Variants in STPG2 observed in about 807,000 individuals in gnomAD.
STPG2 encodes sperm tail PG-rich repeat containing 2.
In STPG2, 56 loss-of-function variants were observed where a neutral mutation model predicts 54.2. The ratio of observed to expected loss-of-function variants is 1.03; its 90% CI spans 0.83 to 1.29. The LOEUF is 1.29. Among genes scored for constraint, STPG2 ranks in the 50% most tolerant of loss-of-function variants. The pLI is 0.00. For missense variants in STPG2, 596 were observed against 544.9 expected, an observed-to-expected ratio of 1.09 and a Z score of -0.93; for synonymous variants, 200 against 181.8, an observed-to-expected ratio of 1.10 and a Z score of -0.81.
chr4:97,813,041 C>A (rs756789008), intron 9 of STPG2, among the ~76,000 whole-genome samples: 1 of 152,070 alleles, frequency 6.6e-6, no homozygotes, highest in Non-Finnish European at 1.5e-5. Flanking sequence ...CTATCAAGTT[C>A]TGTTACCTCT....
intron 8 of STPG2, among the ~76,000 whole-genome samples, chr4:97,864,546 C>G (rs1224273592): frequency 6.6e-6 from 1 of 152,110 alleles, no homozygotes; most frequent in Non-Finnish European, 1.5e-5. Context: ...ATGCCATCCC[C>G]ATCAAGCTAC....
intron 4 of STPG2, among the ~76,000 whole-genome samples, chr4:97,519,154 T>C (rs1490502484): frequency 6.6e-6 from 1 of 151,938 alleles, no homozygotes; most frequent in African/African-American, 2.4e-5. Context: ...CCAATACAGA[T>C]GGGAGAAGTA....
intron 10 of STPG2, among the ~76,000 whole-genome samples, chr4:97,649,045 A>G (rs562364628): frequency 1.3e-4 from 20 of 152,236 alleles, no homozygotes; most frequent in African/African-American, 4.8e-4. Flanking sequence ...ACTAAAAGCT[A>G]GATGTAATTA....
At chr4:97,944,124 A>T (rs1733108297) in intron 7 of STPG2, 117 bp from the exon 8 acceptor site, 1 of 658,746 alleles carries the variant, frequency 1.5e-6, no homozygotes. Flanking sequence ...AAATAAAGAC[A>T]CATATTCATA....
At chr4:97,673,093 C>A (rs149267486) in intron 10 of STPG2, among the ~76,000 whole-genome samples, 3 of 152,112 alleles carry the variant, frequency 2.0e-5, no homozygotes, top group South Asian at 2.1e-4. Context: ...TATAAATAAG[C>A]CTGTAGGGAG....
intron 4 of STPG2, among the ~76,000 whole-genome samples, chr4:97,456,911 T>TAAAAA (rs1560616538): frequency 1.0e-5 from 1 of 98,254 alleles, no homozygotes; most frequent in African/African-American, 7.2e-5. Flanking sequence ...AAAAAGAAAA[T>TAAAAA]TAAAAAAAAA....
chr4:97,523,321 A>G (rs1731219691), intron 4 of STPG2, among the ~76,000 whole-genome samples: 1 of 151,896 alleles, frequency 6.6e-6, no homozygotes, highest in Non-Finnish European at 1.5e-5. Context: ...TTTATCATCT[A>G]TAAAAAGAGA....
intron 10 of STPG2, among the ~76,000 whole-genome samples, chr4:97,573,554 A>G (rs1732651533): frequency 6.6e-6 from 1 of 151,974 alleles, no homozygotes; most frequent in Non-Finnish European, 1.5e-5. Context: ...AAATTATAAT[A>G]TAAAAAATGG....
intron 10 of STPG2, among the ~76,000 whole-genome samples, chr4:97,621,296 C>A (rs1173235747): frequency 6.6e-6 from 1 of 152,010 alleles, no homozygotes; most frequent in Admixed American, 6.6e-5. Context: ...AAAATCAGAA[C>A]TGAACTGAAA....
intron 5 of STPG2, among the ~76,000 whole-genome samples, chr4:98,004,806 C>A (rs1735524827): frequency 6.6e-6 from 1 of 151,916 alleles, no homozygotes; most frequent in Non-Finnish European, 1.5e-5. Flanking sequence ...AAAGTCTATT[C>A]AGGTTATTTG....
intron 7 of STPG2, among the ~76,000 whole-genome samples, chr4:97,967,230 T>C (rs918113733): frequency 7.0e-6 from 1 of 143,792 alleles, no homozygotes; most frequent in Non-Finnish European, 1.5e-5. Flanking sequence ...TAGTCTCTGA[T>C]AAAACAGACT....
At chr4:97,887,801 C>A (rs1474194386) in intron 8 of STPG2, among the ~76,000 whole-genome samples, 1 of 152,186 alleles carries the variant, frequency 6.6e-6, no homozygotes, top group Non-Finnish European at 1.5e-5. Context: ...ACATTTGGGG[C>A]AGCCCATCCC....
At chr4:97,741,552 A>G (rs1426342624) in intron 9 of STPG2, among the ~76,000 whole-genome samples, 2 of 152,198 alleles carry the variant, frequency 1.3e-5, no homozygotes, top group African/African-American at 4.8e-5. Flanking sequence ...AAGTGGGCAA[A>G]GGACATGAAC....
At chr4:97,930,356 T>C (rs546609196) in intron 8 of STPG2, among the ~76,000 whole-genome samples, 2 of 152,324 alleles carry the variant, frequency 1.3e-5, no homozygotes, top group East Asian at 1.9e-4. Flanking sequence ...TTTCTGTATA[T>C]GGTATAAAAA....
rs149588164 is a variant in STPG2 at position 97,504,935 on chromosome 4, C to T, written c.462+207764G>A. ...GTCACCATGGTACAGACAAGGCAAG[C>T]TCAACATTTGTAGGAATTAGGCTTG... On this transcript the variant is annotated intron_variant, in intron 4 of 4. Transcript: ENST00000522676. Among the ~76,000 whole-genome samples the T allele has an allele frequency of 9.1e-4, 138 of 152,016 alleles. 1 individual carries two copies. Among genetic ancestry groups the T allele is most frequent in the African/African-American group, 3.2e-3 (133 of 41,528 alleles).
chr4:97,904,473 C>A (rs1703182113), intron 8 of STPG2, among the ~76,000 whole-genome samples: 1 of 152,102 alleles, frequency 6.6e-6, no homozygotes. Context: ...TCATCAAAGA[C>A]CAAAAGTAGA....
chr4:97,923,013 A>G (rs908893135), intron 8 of STPG2, among the ~76,000 whole-genome samples: 3 of 152,196 alleles, frequency 2.0e-5, no homozygotes, highest in African/African-American at 7.2e-5. Context: ...TTTCAACTAT[A>G]TAAAACTGTT....
chr4:97,827,672 A>G (rs1003304711), intron 9 of STPG2, among the ~76,000 whole-genome samples: 9 of 152,244 alleles, frequency 5.9e-5, no homozygotes. Flanking sequence ...TAGTTATTGC[A>G]TAAGTGCAAT....
In STPG2 at chr4:97,961,607, T is replaced by G. The variant is rs1029954222; in HGVS notation, c.933+10673A>C. Among the ~76,000 whole-genome samples the G allele has an allele frequency of 2.0e-5, 3 of 152,154 alleles. No individual in the cohort carries two copies. In the East Asian group the frequency reaches 5.8e-4, roughly 29 times the overall value. On this transcript the variant is annotated intron_variant, in intron 7 of 10. Transcript: ENST00000295268. Reference sequence around the variant, plus strand: ...ATAGCCAACAAACATATGAAAATGATGCTCAGCATCATTAATGATCAGGTA... The same window carrying G: ...ATAGCCAACAAACATATGAAAATGAGGCTCAGCATCATTAATGATCAGGTA...
Sources: allele counts gnomAD v4.1 joint callset (sites outside exome capture counted in the v4.1 genomes callset), GRCh38; gene constraint gnomAD v4.1.1; transcripts MANE v1.5; gene names NCBI Gene and HGNC (gene_info 2026-07-23, HGNC 2026-07-21).